The following UGT8 variants were observed in gnomAD, a reference collection of about 807,000 sequenced individuals.
The protein encoded by UGT8 is UDP glycosyltransferase 8.
UGT8 carries 12 observed loss-of-function variants against 40.5 expected under a neutral mutation model. The ratio of observed to expected loss-of-function variants is 0.30; its 90% CI spans 0.19 to 0.48. UGT8 has a LOEUF of 0.48. UGT8 is among the 20% of genes least tolerant of loss of function. The pLI is 0.99. For synonymous variants in UGT8, 224 were observed against 240.4 expected (o/e 0.93, Z 0.63); for missense variants, 513 against 648.7 (o/e 0.79, Z 2.27).
At chr4:114,633,900 C>T (rs919912757) in intron 2 of UGT8, among the ~76,000 whole-genome samples, 20 of 151,380 alleles carry the variant, frequency 1.3e-4, no homozygotes, top group African/African-American at 3.9e-4. Context: ...GCCCAGATGG[C>T]GCCACTGCAC....
rs539455788 is a variant in UGT8 at position 114,677,699 on chromosome 4, C to T, written c.*1411C>T. 6.6e-6 allele frequency: 1 copy of T among 152,348 alleles called. No individual in the cohort carries two copies. The highest frequency in any genetic ancestry group is 1.9e-4 in the East Asian group (1 of 5,190). 9.4% of individuals were successfully genotyped at this position (152,348 alleles called of 1,614,324 possible). A position where few individuals can be genotyped will look rare whatever the true frequency, so the allele number is the denominator to read the frequency against. On this transcript the variant is annotated 3_prime_UTR_variant, in exon 6 of 6. Transcript: ENST00000310836. ...TTCTGTTTACTTAGCACTTGCACTA[C>T]CCTTGTTGGTTGAGTGTATGCTTTA...
rs1431761024 is a variant in UGT8, at chr4:114,676,755, A to T, written c.*467A>T. The T allele has an allele frequency of 1.3e-5, 2 of 152,562 alleles. No individual in the cohort carries two copies. The highest frequency in any genetic ancestry group is 4.8e-5 in the African/African-American group (2 of 41,376). The allele number at this position is 152,562 out of a possible 1,614,324, so 9.5% of individuals were successfully genotyped here. A position where few individuals can be genotyped will look rare whatever the true frequency, so the allele number is the denominator to read the frequency against. ...GGTACAACACACTCAAGAATAAAGTAAAAGGATAGTCAGGATCCAGATGTT... is the reference window on the plus strand; with the variant it reads ...GGTACAACACACTCAAGAATAAAGTTAAAGGATAGTCAGGATCCAGATGTT... On this transcript the variant is annotated 3_prime_UTR_variant, in exon 6 of 6. Coordinates refer to ENST00000310836, the MANE Select transcript of UGT8 (RefSeq NM_001128174.3).
chr4:114,627,881 A>G lies in UGT8; in HGVS notation c.822+4179A>G, dbSNP rs114895420. ...TTTTGTTGTTGTTTGTTTGTTTTAC[A>G]TGGCTCTCTTAACTAGAATGTGAGT... On this transcript the variant is annotated intron_variant, in intron 2 of 5. Coordinates refer to ENST00000310836, the MANE Select transcript of UGT8 (RefSeq NM_001128174.3). Among the ~76,000 whole-genome samples, 1,069 of 152,246 alleles carry G rather than the reference A, an allele frequency of 7.0e-3. 12 individuals carry two copies. Among genetic ancestry groups the G allele is most frequent in the African/African-American group, 0.025 (1,023 of 41,542 alleles).
intron 2 of UGT8, among the ~76,000 whole-genome samples, chr4:114,636,027 C>A (rs1732867385): frequency 6.6e-6 from 1 of 152,092 alleles, no homozygotes; most frequent in Non-Finnish European, 1.5e-5. Flanking sequence ...TATAGTTTAT[C>A]CCTCTAGACT....
intron 2 of UGT8, 70 bp from the exon 3 acceptor site, chr4:114,663,925 G>A: frequency 6.5e-7 from 1 of 1,544,406 alleles, no homozygotes; most frequent in Non-Finnish European, 8.8e-7. Context: ...TTTTTAACTG[G>A]GCTGTTAATA....
In UGT8 at chr4:114,640,321, C is replaced by T. The variant is rs531517691; in HGVS notation, c.822+16619C>T. ...CTGGGATTACAGGCGTGAGCCACCG[C>T]GCCCGGCCAAAAATATGTTTTTTAG... On this transcript the variant is annotated intron_variant, in intron 2 of 5. Transcript: ENST00000310836. 8.7e-4 allele frequency among the ~76,000 whole-genome samples: 132 copies of T among 152,134 alleles called. 3 individuals carry two copies. The highest frequency in any genetic ancestry group is 6.8e-3 in the Middle Eastern group (2 of 294).
intron 2 of UGT8, among the ~76,000 whole-genome samples, chr4:114,630,003 G>C (rs1387188176): frequency 6.6e-6 from 1 of 152,044 alleles, no homozygotes; most frequent in Non-Finnish European, 1.5e-5. Flanking sequence ...AATTACTGTT[G>C]ACACCAGTTT....
intron 1 of UGT8, among the ~76,000 whole-genome samples, chr4:114,617,982 A>G (rs1460048627): frequency 6.6e-6 from 1 of 152,218 alleles, no homozygotes; most frequent in Non-Finnish European, 1.5e-5. Flanking sequence ...GTTCAAGTCC[A>G]TAACCTTAAA....
In UGT8 at chr4:114,618,994, G is replaced by GT. The variant is rs1243792084; in HGVS notation, c.-2-3880dup. Among the ~76,000 whole-genome samples, 5 of 152,062 alleles carry GT rather than the reference G, an allele frequency of 3.3e-5. No homozygotes were observed. In the South Asian group the frequency reaches 6.2e-4, roughly 19 times the overall value. On this transcript the variant is annotated intron_variant, in intron 1 of 5. Transcript: ENST00000310836. ...ATGTAGAATTCTTGGGCTAATTCCA[G>GT]TTTTTAATTATTGGGTTTTAAAATA...
At chr4:114,622,023 A>G (rs1386841678) in intron 1 of UGT8, among the ~76,000 whole-genome samples, 1 of 151,988 alleles carries the variant, frequency 6.6e-6, no homozygotes, top group Admixed American at 6.5e-5. Context: ...TTACATATGT[A>G]TACATGTGAC....
At chr4:114,600,377 A>G (rs1240508223) in intron 1 of UGT8, among the ~76,000 whole-genome samples, 1 of 152,160 alleles carries the variant, frequency 6.6e-6, no homozygotes, top group African/African-American at 2.4e-5. Context: ...TAGATGCCAA[A>G]TTGTTATCAT....
At chr4:114,606,383 A>G (rs1486222327) in intron 1 of UGT8, among the ~76,000 whole-genome samples, 1 of 152,170 alleles carries the variant, frequency 6.6e-6, no homozygotes, top group Non-Finnish European at 1.5e-5. Flanking sequence ...CAGTTAGTCT[A>G]GGGGCTCCAC....
intron 5 of UGT8, among the ~76,000 whole-genome samples, chr4:114,674,506 G>A (rs1262230909): frequency 1.3e-5 from 2 of 151,950 alleles, no homozygotes; most frequent in Non-Finnish European, 2.9e-5. Context: ...TTTCCATCAC[G>A]AGTATCTTCC....
chr4:114,633,164 T>G (rs1263973113), intron 2 of UGT8, among the ~76,000 whole-genome samples: 1 of 152,226 alleles, frequency 6.6e-6, no homozygotes, highest in Admixed American at 6.5e-5. Flanking sequence ...GAGTGCAGAT[T>G]TATTGGGTAC....
intron 5 of UGT8, among the ~76,000 whole-genome samples, chr4:114,675,665 G>A (rs370776724): frequency 6.8e-5 from 10 of 146,734 alleles, no homozygotes; most frequent in Non-Finnish European, 1.2e-4. Flanking sequence ...GCGTGAACCC[G>A]GGAGGCGGAG....
At chr4:114,632,657 T>A (rs1413364936) in intron 2 of UGT8, among the ~76,000 whole-genome samples, 1 of 152,316 alleles carries the variant, frequency 6.6e-6, no homozygotes, top group Admixed American at 6.5e-5. Flanking sequence ...CACAGATCTT[T>A]AAGAAAAACA....
Position 114,678,083 on chromosome 4 carries a change from AAG to A in UGT8, c.*1798_*1799del, listed in dbSNP as rs775377810. On this transcript the variant is annotated 3_prime_UTR_variant, in exon 6 of 6. Transcript: ENST00000310836. ...CACAGGCAATGAATGGTGGGATAGT[AAG>A]AGGACTTAGAGTGTATGAATGAGTT... The A allele has an allele frequency of 1.3e-5, 2 of 152,230 alleles. No homozygotes were observed. Among genetic ancestry groups the A allele is most frequent in the Non-Finnish European group, 2.9e-5 (2 of 68,036 alleles). The allele number at this position is 152,230 out of a possible 1,614,324, so 9.4% of individuals were successfully genotyped here.
In UGT8 at chr4:114,640,036, T is replaced by TG. The variant is rs1377051366; in HGVS notation, c.822+16334_822+16335insG. Among the ~76,000 whole-genome samples the TG allele has an allele frequency of 2.0e-3, 306 of 150,258 alleles. 2 individuals carry two copies. The highest frequency in any genetic ancestry group is 5.3e-3 in the African/African-American group (219 of 41,248). ...TCATGTAAAAATATGTTTGTTTGTT[T>TG]TTTTTTTTTTTTGAGACGGAGTCTC... On this transcript the variant is annotated intron_variant, in intron 2 of 5. Coordinates refer to ENST00000310836, the MANE Select transcript of UGT8 (RefSeq NM_001128174.3).
At chr4:114,615,723 A>G (rs535310758) in intron 1 of UGT8, among the ~76,000 whole-genome samples, 13 of 152,326 alleles carry the variant, frequency 8.5e-5, no homozygotes, top group Non-Finnish European at 1.5e-4. Context: ...CTCCAAGGGC[A>G]TACATTAGAA....
Sources: gnomAD v4.1 joint callset for allele counts (sites outside exome capture counted in the v4.1 genomes callset) on GRCh38, gnomAD v4.1.1 for gene constraint, MANE v1.5 for transcripts, NCBI Gene and HGNC (gene_info 2026-07-23, HGNC 2026-07-21) for gene names.